Variants in MS4A4E observed in about 807,000 individuals in gnomAD.
MS4A4E encodes membrane spanning 4-domains A4E, also known as putative membrane-spanning 4-domains subfamily A member 4E.
A neutral mutation model predicts 13.3 loss-of-function variants in MS4A4E; 23 were observed. The ratio of observed to expected loss-of-function variants is 1.73; its 90% CI spans 1.25 to 2.45. The LOEUF (loss-of-function observed/expected upper bound fraction) is 2.45, where lower values mean the gene tolerates loss of function less well. Ranked by LOEUF, MS4A4E falls within the 30% of genes most tolerant of loss-of-function variation. The pLI, the probability that MS4A4E is intolerant of heterozygous loss-of-function variation, is 0.00. For synonymous variants in MS4A4E, 36 were observed against 45.6 expected, an observed-to-expected ratio of 0.79 and a Z score of 0.85; for missense variants, 144 against 131.2, an observed-to-expected ratio of 1.10 and a Z score of -0.48.
chr11:60,221,940 C>T (rs1483142356), intron 3 of MS4A4E, among the ~76,000 whole-genome samples: 1 of 152,164 alleles, frequency 6.6e-6, no homozygotes, highest in African/African-American at 2.4e-5. Context: ...CCTGTCATTG[C>T]CCAATGAGTC....
chr11:60,211,654 T>C (rs1430728990), intron 5 of MS4A4E, among the ~76,000 whole-genome samples: 3 of 152,236 alleles, frequency 2.0e-5, no homozygotes, highest in Admixed American at 2.0e-4. Flanking sequence ...GGCTCACACC[T>C]GTAATCCCAG....
intron 1 of MS4A4E, among the ~76,000 whole-genome samples, chr11:60,232,802 T>G (rs1159678395): frequency 6.6e-6 from 1 of 152,090 alleles, no homozygotes; most frequent in African/African-American, 2.4e-5. Context: ...CTCTGAGACT[T>G]AACCACCACT....
chr11:60,227,396 A>G (rs1355135456), intron 3 of MS4A4E, among the ~76,000 whole-genome samples: 1 of 152,094 alleles, frequency 6.6e-6, no homozygotes, highest in Non-Finnish European at 1.5e-5. Context: ...CTAAAAATAC[A>G]AAAAGTTAGC....
intron 6 of MS4A4E, 86 bp downstream of exon 6, chr11:60,208,507 C>T (rs2084077585): frequency 2.3e-6 from 1 of 427,388 alleles, no homozygotes. Context: ...TGAATGTGTA[C>T]TGTGTTAAGA....
intron 1 of MS4A4E, among the ~76,000 whole-genome samples, chr11:60,231,840 T>C (rs1428455161): frequency 2.6e-5 from 4 of 152,110 alleles, no homozygotes; most frequent in Non-Finnish European, 2.9e-5. Context: ...AAGAAGGAAG[T>C]AGATATGCTT....
chr11:60,228,778 C>T (rs1246878768), intron 2 of MS4A4E, among the ~76,000 whole-genome samples, 151 bp from the exon 3 acceptor site: 1 of 152,082 alleles, frequency 6.6e-6, no homozygotes, highest in Non-Finnish European at 1.5e-5. Context: ...AGCTATTAAG[C>T]CATAAGAAAA....
chr11:60,215,832 T>C (rs984616532), intron 3 of MS4A4E, among the ~76,000 whole-genome samples: 3 of 152,146 alleles, frequency 2.0e-5, no homozygotes, highest in Non-Finnish European at 4.4e-5. Context: ...CTTTAAAAAA[T>C]TCAGTAAAGC....
intron 7 of MS4A4E, among the ~76,000 whole-genome samples, 152 bp from the exon 8 acceptor site, chr11:60,205,110 C>T (rs1006298926): frequency 5.9e-5 from 9 of 152,016 alleles, no homozygotes; most frequent in Non-Finnish European, 1.2e-4. Context: ...AATGTCCATG[C>T]AAATTCAATA....
Position 60,217,500 on chromosome 11 carries a change from T to C in MS4A4E, c.179-2886A>G, listed in dbSNP as rs184747040. Among the ~76,000 whole-genome samples the C allele has an allele frequency of 1.3e-3, 201 of 152,214 alleles. 1 individual carries two copies. Among genetic ancestry groups the C allele is most frequent in the African/African-American group, 4.7e-3 (195 of 41,540 alleles). On this transcript the variant is annotated intron_variant, in intron 3 of 8. Coordinates refer to ENST00000651255, the MANE Select transcript of MS4A4E (RefSeq NM_001393391.1). ...CACACTGCCATCAGCCTTTTCACCT[T>C]TGTCTAAGGAGATAAACCCTGCGCT...
intron 1 of MS4A4E, among the ~76,000 whole-genome samples, chr11:60,238,132 G>T (rs1364771133): frequency 6.6e-6 from 1 of 151,308 alleles, no homozygotes; most frequent in Non-Finnish European, 1.5e-5. Flanking sequence ...TTCATATGTA[G>T]TTTTGTTCGC....
intron 4 of MS4A4E, 80 bp downstream of exon 4, chr11:60,214,491 C>T (rs980224471): frequency 1.1e-5 from 12 of 1,044,668 alleles, no homozygotes; most frequent in Non-Finnish European, 1.4e-5. Flanking sequence ...AACAAACAAA[C>T]AAAACCTGTT....
chr11:60,228,770 C>T (rs1354176420), intron 2 of MS4A4E, 143 bp from the exon 3 acceptor site: 2 of 443,102 alleles, frequency 4.5e-6, no homozygotes, highest in Non-Finnish European at 8.0e-6. Flanking sequence ...AATAAATGAG[C>T]TATTAAGCCA....
intron 5 of MS4A4E, among the ~76,000 whole-genome samples, chr11:60,212,192 A>G (rs2084131266): frequency 6.6e-6 from 1 of 152,202 alleles, no homozygotes; most frequent in African/African-American, 2.4e-5. Context: ...CATGTTGAGG[A>G]TAAAAGTGGT....
chr11:60,204,930 C>CA lies in MS4A4E; in HGVS notation c.618_619insT (p.Val207CysfsTer4), dbSNP rs986838404. Among the ~76,000 whole-genome samples the CA allele has an allele frequency of 2.6e-5, 4 of 152,092 alleles. No homozygotes were observed. The highest frequency in any genetic ancestry group is 9.7e-5 in the African/African-American group (4 of 41,400). ...CAAGAAGATAGAATGTCATAATAGA[C>CA]TTTTTCCAGATACTGTCCATCTCCG... is the stretch of plus-strand genomic sequence containing the variant. On this transcript the variant is annotated frameshift_variant, in exon 8 of 9. Coordinates refer to ENST00000651255, the MANE Select transcript of MS4A4E (RefSeq NM_001393391.1). LOFTEE classifies it high-confidence loss of function.
At chr11:60,213,793 G>T (rs762874631) in intron 4 of MS4A4E, among the ~76,000 whole-genome samples, 23 of 152,084 alleles carry the variant, frequency 1.5e-4, no homozygotes, top group Non-Finnish European at 2.9e-4. Context: ...TTTATGAAAG[G>T]CATCTTGACA....
chr11:60,206,475 A>ATATATATATATG (rs1565116635), intron 6 of MS4A4E, among the ~76,000 whole-genome samples: 3 of 6,206 alleles, frequency 4.8e-4, no homozygotes, highest in African/African-American at 8.7e-4. Context: ...ACACACACAC[A>ATATATATATATG]TATATATATA....
intron 5 of MS4A4E, among the ~76,000 whole-genome samples, chr11:60,210,937 G>C (rs772684107): frequency 6.6e-6 from 1 of 152,204 alleles, no homozygotes; most frequent in Non-Finnish European, 1.5e-5. Context: ...AGAGTGTCTT[G>C]TTTAAAATTT....
intron 3 of MS4A4E, 72 bp from the exon 4 acceptor site, chr11:60,214,686 A>G (rs1395114548): frequency 4.2e-6 from 4 of 957,240 alleles, no homozygotes; most frequent in Admixed American, 2.6e-5. Context: ...GGAAATCACA[A>G]CTTAGTAAAC....
chr11:60,241,733 A>G (rs547777326), intron 1 of MS4A4E, among the ~76,000 whole-genome samples: 91 of 152,254 alleles, frequency 6.0e-4, no homozygotes, highest in Non-Finnish European at 1.1e-3. Context: ...CAAAATATAT[A>G]TTTTTTAACT....
Sources: gnomAD v4.1 joint callset for allele counts (sites outside exome capture counted in the v4.1 genomes callset) on GRCh38, gnomAD v4.1.1 for gene constraint, MANE v1.5 for transcripts, NCBI Gene and HGNC (gene_info 2026-07-23, HGNC 2026-07-21) for gene names.